CACNG8: variants seen among roughly 807,000 people sequenced by gnomAD.
CACNG8 encodes the protein calcium voltage-gated channel auxiliary subunit gamma 8, also known as voltage-dependent calcium channel gamma-8 subunit.
A neutral mutation model predicts 26.9 loss-of-function variants in CACNG8; 5 were observed. That is an observed-to-expected ratio of 0.19 (90% CI 0.10 to 0.39). CACNG8 has a LOEUF of 0.39. Ranked by LOEUF, CACNG8 falls within the 10% of genes least tolerant of loss-of-function variation. CACNG8 has a pLI of 1.00. For missense variants in CACNG8, 473 were observed against 609.4 expected (o/e 0.78, Z 2.36); for synonymous variants, 321 against 296.7 (o/e 1.08, Z -0.84).
At chr19:53,972,361 C>CTTTTTT (rs577196456) in intron 1 of CACNG8, among the ~76,000 whole-genome samples, 25 of 106,276 alleles carry the variant, frequency 2.4e-4, no homozygotes, top group East Asian at 2.8e-4. Context: ...TTCTTCTTTT[C>CTTTTTT]TTTTTTTTTT....
rs1230682680 is a variant in CACNG8 at position 53,989,945 on chromosome 19, G to A, written c.*7096G>A. Reference sequence around the variant, plus strand: ...CCATCGGAAAAGTCCAGAGCAGGGGGTGGGCAGAGAGGCCCAGCGTGCACC... The same window carrying A: ...CCATCGGAAAAGTCCAGAGCAGGGGATGGGCAGAGAGGCCCAGCGTGCACC... On this transcript the variant is annotated 3_prime_UTR_variant, in exon 4 of 4. Transcript: ENST00000270458. 1 of 152,458 alleles carries A rather than the reference G, an allele frequency of 6.6e-6. No homozygotes were observed. The highest frequency in any genetic ancestry group is 1.5e-5 in the Non-Finnish European group (1 of 68,188). 9.4% of individuals were successfully genotyped at this position (152,458 alleles called of 1,614,324 possible).
In CACNG8 at chr19:53,986,954, G is replaced by C. The variant is rs986192091; in HGVS notation, c.*4105G>C. On this transcript the variant is annotated 3_prime_UTR_variant, in exon 4 of 4. Coordinates refer to ENST00000270458, the MANE Select transcript of CACNG8 (RefSeq NM_031895.6). Reference sequence around the variant, plus strand: ...CATAGGACAGAGGCACAGGGTAGGGGCTGATCAGTTAGGGCCTTGGATCCT... The same window carrying C: ...CATAGGACAGAGGCACAGGGTAGGGCCTGATCAGTTAGGGCCTTGGATCCT... The C allele has an allele frequency of 5.9e-5, 9 of 152,280 alleles. No individual in the cohort carries two copies. Among genetic ancestry groups the C allele is most frequent in the Non-Finnish European group, 8.8e-5 (6 of 68,122 alleles). 9.4% of individuals were successfully genotyped at this position (152,280 alleles called of 1,614,324 possible).
At chr19:53,978,051 G>A (rs1300405967) in intron 1 of CACNG8, 95 bp from the exon 2 acceptor site, 2 of 797,586 alleles carry the variant, frequency 2.5e-6, no homozygotes, top group East Asian at 5.3e-5. Context: ...GAGAGAGAAG[G>A]GGTTTGGGGA....
At chr19:53,978,710 A>C (rs1189915847) in intron 2 of CACNG8, among the ~76,000 whole-genome samples, 2 of 115,616 alleles carry the variant, frequency 1.7e-5, no homozygotes, top group Non-Finnish European at 3.3e-5. Context: ...CGCAAAATCT[A>C]GTTGCCTGGG....
chr19:53,973,391 C>T (rs914333200), intron 1 of CACNG8, among the ~76,000 whole-genome samples: 1 of 151,878 alleles, frequency 6.6e-6, no homozygotes, highest in African/African-American at 2.4e-5. Flanking sequence ...GGGGTGGTGG[C>T]AGGTGCCCGT....
chr19:53,963,553 T>C, intron 1 of CACNG8, 128 bp downstream of exon 1: 2 of 927,748 alleles, frequency 2.2e-6, no homozygotes, highest in Non-Finnish European at 3.1e-6. Context: ...CAGAGGGGCT[T>C]CTGCGCCTTC....
At position 53,976,628 on chromosome 19, in the gene CACNG8, A is replaced by ATTC. The variant is rs1568800196; in HGVS notation, c.284-1518_284-1517insTTC. Among the ~76,000 whole-genome samples the ATTC allele has an allele frequency of 7.1e-3, 1,074 of 151,644 alleles. 6 individuals are homozygous for ATTC. The highest frequency in any genetic ancestry group is 0.025 in the African/African-American group (1,017 of 41,324). On this transcript the variant is annotated intron_variant, in intron 1 of 3. Transcript: ENST00000270458. ...TCTGCTATGCTTATATTCATTCATT[A>ATTC]ATTCATTCATTCATTCTTCATTCAA... is the stretch of plus-strand genomic sequence containing the variant.
rs1450875188 is a variant in CACNG8, at chr19:53,986,805, G to A, written c.*3956G>A. The stretch of plus-strand genomic sequence containing the variant: ...CTTGTGGCAGAGGTCACAGAGATGT[G>A]GATTGTGAGTAGGAAAGAGAGGTGA... On this transcript the variant is annotated 3_prime_UTR_variant, in exon 4 of 4. Coordinates refer to ENST00000270458, the MANE Select transcript of CACNG8 (RefSeq NM_031895.6). The A allele has an allele frequency of 1.3e-5, 2 of 152,260 alleles. No homozygotes were observed. The highest frequency in any genetic ancestry group is 2.1e-4 in the South Asian group (1 of 4,832). 9.4% of individuals were successfully genotyped at this position (152,260 alleles called of 1,614,324 possible). A position where few individuals can be genotyped will look rare whatever the true frequency, so the allele number is the denominator to read the frequency against.
At chr19:53,963,804 CTTTTTT>C (rs34483691) in intron 1 of CACNG8, among the ~76,000 whole-genome samples, 4 of 128,174 alleles carry the variant, frequency 3.1e-5, no homozygotes, top group African/African-American at 5.7e-5. Context: ...TGCCTTTTCT[CTTTTTT>C]TTTTTTTTTT....
At chr19:53,968,963 C>T (rs1461836202) in intron 1 of CACNG8, among the ~76,000 whole-genome samples, 4 of 151,812 alleles carry the variant, frequency 2.6e-5, no homozygotes, top group East Asian at 1.9e-4. Flanking sequence ...TCACTGAATG[C>T]GCACAATAAC....
intron 1 of CACNG8, among the ~76,000 whole-genome samples, chr19:53,975,510 G>T (rs761102659): frequency 6.6e-6 from 1 of 152,098 alleles, no homozygotes; most frequent in African/African-American, 2.4e-5. Flanking sequence ...CTCCCAAGTA[G>T]CTGGGACTAC....
chr19:53,978,315 T>A, intron 2 of CACNG8, 86 bp downstream of exon 2: 1 of 1,006,300 alleles, frequency 9.9e-7, no homozygotes, highest in Non-Finnish European at 1.5e-6. Context: ...GAAAAGGCAC[T>A]GGGACTCCGG....
intron 1 of CACNG8, among the ~76,000 whole-genome samples, chr19:53,975,781 CA>C (rs1461450533): frequency 6.6e-6 from 1 of 152,202 alleles, no homozygotes; most frequent in East Asian, 1.9e-4. Flanking sequence ...CAGATGCTCA[CA>C]TTCATGATGT....
intron 1 of CACNG8, among the ~76,000 whole-genome samples, chr19:53,975,389 T>C (rs993941418): frequency 6.7e-6 from 1 of 149,898 alleles, no homozygotes; most frequent in Non-Finnish European, 1.5e-5. Context: ...TTCTTTTTTT[T>C]TCTTTTTTGA....
chr19:53,972,487 G>A (rs1205120532), intron 1 of CACNG8, among the ~76,000 whole-genome samples: 2 of 149,378 alleles, frequency 1.3e-5, no homozygotes, highest in East Asian at 2.0e-4. Flanking sequence ...TCAGCCTCCC[G>A]AGTAGTTGGG....
At chr19:53,967,184 G>A (rs1324692086) in intron 1 of CACNG8, among the ~76,000 whole-genome samples, 7 of 152,134 alleles carry the variant, frequency 4.6e-5, no homozygotes, top group African/African-American at 1.4e-4. Context: ...GCTGTCTCCT[G>A]GGGGATAAAA....
At chr19:53,971,614 A>T (rs2145935496) in intron 1 of CACNG8, among the ~76,000 whole-genome samples, 1 of 152,324 alleles carries the variant, frequency 6.6e-6, no homozygotes, top group Non-Finnish European at 1.5e-5. Context: ...TCAGGACTCA[A>T]GAGTCTGGGC....
rs1161171480 is a variant in CACNG8 at position 53,971,277 on chromosome 19, T to A, written c.284-6869T>A. 2.1e-5 allele frequency among the ~76,000 whole-genome samples: 3 copies of A among 142,822 alleles called. No homozygotes were observed. The Admixed American group carries it at 2.1e-4, about 10-fold the overall frequency. The allele number at this position is 142,822 out of a possible 152,430, so 93.7% of individuals were successfully genotyped here. ...ACTGCTCTCCAGCCTGGGCAACAGA[T>A]TGAGGCCCTGTCTCAAAAAAAAAAA... On this transcript the variant is annotated intron_variant, in intron 1 of 3. Transcript: ENST00000270458.
At position 53,963,128 on chromosome 19, in the gene CACNG8, C is replaced by T; in HGVS notation, c.-15C>T. 1 of 1,466,998 alleles carries T rather than the reference C, an allele frequency of 6.8e-7. No individual in the cohort carries two copies. Among genetic ancestry groups the T allele is most frequent in the Non-Finnish European group, 9.0e-7 (1 of 1,106,706 alleles). The allele number at this position is 1,466,998 out of a possible 1,614,324, so 90.9% of individuals were successfully genotyped here. On this transcript the variant is annotated 5_prime_UTR_variant, in exon 1 of 4. Coordinates refer to ENST00000270458, the MANE Select transcript of CACNG8 (RefSeq NM_031895.6). ...CCGGTGGTGGCCCACGGCCCCCCGG[C>T]TGCCCGTGGTCAAACTGGAGTCGCT... is the stretch of plus-strand genomic sequence containing the variant.
Sources: gnomAD v4.1 joint callset for allele counts (sites outside exome capture counted in the v4.1 genomes callset) on GRCh38, gnomAD v4.1.1 for gene constraint, MANE v1.5 for transcripts, NCBI Gene and HGNC (gene_info 2026-07-23, HGNC 2026-07-21) for gene names.